The following ZFHX3 variants were observed in gnomAD, a reference collection of about 807,000 sequenced individuals.
ZFHX3 encodes the protein zinc finger homeobox protein 3.
Under a neutral mutation model 279.1 loss-of-function variants are expected in ZFHX3, and 42 were observed. That is an observed-to-expected ratio of 0.15 (90% CI 0.12 to 0.19). The LOEUF (loss-of-function observed/expected upper bound fraction) is 0.19. ZFHX3 is among the 10% of genes least tolerant of loss of function. ZFHX3 has a pLI of 1.00. For missense variants in ZFHX3, 4,981 were observed against 4,754.0 expected (o/e 1.05, Z -1.40); for synonymous variants, 2,293 against 1,957.8 (o/e 1.17, Z -4.52).
chr16:73,387,356 A>C (rs962869733), intron 3 of ZFHX3: 1 of 152,130 alleles, frequency 6.6e-6, no homozygotes, highest in Non-Finnish European at 1.5e-5. Flanking sequence ...TTTTGCAAAA[A>C]AAATAACAAA....
intron 2 of ZFHX3, among the ~76,000 whole-genome samples, chr16:73,491,496 G>T (rs1295588037): frequency 6.6e-6 from 1 of 152,140 alleles, no homozygotes; most frequent in Non-Finnish European, 1.5e-5. Flanking sequence ...CAAACTGTAG[G>T]CATGTGACTT....
chr16:73,295,302 C>T (rs952842463), intron 4 of ZFHX3, among the ~76,000 whole-genome samples: 1 of 152,192 alleles, frequency 6.6e-6, no homozygotes, highest in Non-Finnish European at 1.5e-5. Flanking sequence ...AGTTGGGGGA[C>T]GATTTTGAAT....
chr16:73,576,713 A>C (rs2051803609), intron 2 of ZFHX3, among the ~76,000 whole-genome samples: 1 of 151,900 alleles, frequency 6.6e-6, no homozygotes, highest in Admixed American at 6.6e-5. Flanking sequence ...CAAAAACAAA[A>C]ACAAAAACAA....
intron 1 of ZFHX3, among the ~76,000 whole-genome samples, chr16:73,781,902 G>T (rs549218796): frequency 4.6e-5 from 7 of 152,122 alleles, no homozygotes; most frequent in Non-Finnish European, 8.8e-5. Context: ...CAGGAGAATC[G>T]CTTGAACCCA....
At chr16:73,050,740 C>G (rs1028078588), upstream of ZFHX3, among the ~76,000 whole-genome samples, 2 of 152,196 alleles carry the variant, frequency 1.3e-5, no homozygotes, top group African/African-American at 2.4e-5. Flanking sequence ...ATTCTCATCG[C>G]TCCATCCTGA....
chr16:73,546,713 CTGCTGCTGCTGCTGCTGCTGCTGT>C (rs1487900050), intron 2 of ZFHX3, among the ~76,000 whole-genome samples: 4 of 109,714 alleles, frequency 3.6e-5, no homozygotes, highest in South Asian at 3.3e-4. Context: ...GCTGCTGCTG[CTGCTGCTGCTGCTGCTGCTGCTGT>C]TGCTTCTTTT....
intron 4 of ZFHX3, among the ~76,000 whole-genome samples, chr16:72,840,718 G>A (rs539517771): frequency 4.6e-5 from 7 of 152,318 alleles, no homozygotes; most frequent in Admixed American, 2.0e-4. Flanking sequence ...TCACCCTTGC[G>A]AAGCACAGAA....
intron 7 of ZFHX3, chr16:73,099,302 A>T (rs1966202590): frequency 6.6e-6 from 1 of 152,266 alleles, no homozygotes; most frequent in Non-Finnish European, 1.5e-5. Flanking sequence ...TTTAAAAAAT[A>T]ATGCCACCCT....
chr16:73,752,202 C>G (rs2053768088), intron 1 of ZFHX3, among the ~76,000 whole-genome samples: 1 of 152,064 alleles, frequency 6.6e-6, no homozygotes. Context: ...AGGTAAATGT[C>G]TTGAGCTTGG....
At chr16:73,206,649 T>G (rs1347592487) in intron 5 of ZFHX3, among the ~76,000 whole-genome samples, 1 of 152,126 alleles carries the variant, frequency 6.6e-6, no homozygotes, top group Non-Finnish European at 1.5e-5. Flanking sequence ...ACAAAAATTC[T>G]CCCACCCATT....
At chr16:73,209,671 G>T (rs945862957) in intron 5 of ZFHX3, among the ~76,000 whole-genome samples, 1 of 152,024 alleles carries the variant, frequency 6.6e-6, no homozygotes, top group Non-Finnish European at 1.5e-5. Flanking sequence ...GTATTGTTTT[G>T]CATTTTTGTA....
At chr16:72,841,217 G>T (rs1262283235) in intron 4 of ZFHX3, among the ~76,000 whole-genome samples, 2 of 152,064 alleles carry the variant, frequency 1.3e-5, no homozygotes, top group African/African-American at 4.8e-5. Context: ...TCAAAAACTG[G>T]GCTACTCTCC....
At chr16:72,949,870 C>G (rs975548812) in intron 3 of ZFHX3, among the ~76,000 whole-genome samples, 4 of 149,382 alleles carry the variant, frequency 2.7e-5, no homozygotes, top group Admixed American at 2.7e-4. Flanking sequence ...CCATCTCCTG[C>G]TAAAAGAATG....
intron 1 of ZFHX3, among the ~76,000 whole-genome samples, chr16:73,876,874 C>A (rs975393393): frequency 2.0e-5 from 3 of 152,004 alleles, no homozygotes; most frequent in African/African-American, 7.2e-5. Flanking sequence ...CAAAACCCAC[C>A]GTGTGGGTTC....
chr16:73,814,919 A>G (rs1960525782), intron 1 of ZFHX3, among the ~76,000 whole-genome samples: 1 of 152,126 alleles, frequency 6.6e-6, no homozygotes, highest in African/African-American at 2.4e-5. Flanking sequence ...ATACTGAAAC[A>G]CTAGGATTTA....
At chr16:73,151,602 C>T (rs1330003189) in intron 5 of ZFHX3, among the ~76,000 whole-genome samples, 6 of 152,132 alleles carry the variant, frequency 3.9e-5, no homozygotes, top group Non-Finnish European at 8.8e-5. Flanking sequence ...ATCAATGCCA[C>T]ACACTTTCTA....
chr16:73,606,180 T>TA lies in ZFHX3; in HGVS notation c.-1547+73999dup, dbSNP rs35080897. On this transcript the variant is annotated intron_variant, in intron 2 of 17. Transcript: ENST00000641206. ...CTGGGGGATTGAGCTAGGCTCCATC[T>TA]AAAAAAAAAAAAAAAAAAAAAAAAA... Among the ~76,000 whole-genome samples the TA allele has an allele frequency of 1.1e-3, 40 of 35,196 alleles. 3 individuals carry two copies. The highest frequency in any genetic ancestry group is 4.2e-3 in the African/African-American group (28 of 6,714). The allele number at this position is 35,196 out of a possible 152,430, so 23.1% of individuals were successfully genotyped here. A position where few individuals can be genotyped will look rare whatever the true frequency, so the allele number is the denominator to read the frequency against.
intron 3 of ZFHX3, among the ~76,000 whole-genome samples, chr16:73,392,328 C>G (rs907330230): frequency 7.0e-6 from 1 of 143,290 alleles, no homozygotes; most frequent in Non-Finnish European, 1.5e-5. Context: ...GGCTGAGGCA[C>G]GGGACCCTTG....
At chr16:73,877,524 A>G (rs1297464556) in intron 1 of ZFHX3, among the ~76,000 whole-genome samples, 1 of 152,230 alleles carries the variant, frequency 6.6e-6, no homozygotes, top group East Asian at 1.9e-4. Context: ...GTTGATACAG[A>G]TGAAAACTTA....
Sources: allele counts gnomAD v4.1 joint callset (sites outside exome capture counted in the v4.1 genomes callset), GRCh38; gene constraint gnomAD v4.1.1; transcripts MANE v1.5; gene names NCBI Gene and HGNC (gene_info 2026-07-23, HGNC 2026-07-21).